The following BAZ2A variants were observed in gnomAD, a reference collection of about 807,000 sequenced individuals.
The protein encoded by BAZ2A is bromodomain adjacent to zinc finger domain protein 2A.
BAZ2A carries 34 observed loss-of-function variants against 199.9 expected under a neutral mutation model. That is an observed-to-expected ratio of 0.17 (90% CI 0.13 to 0.23). The LOEUF is 0.23. BAZ2A is among the 10% of genes least tolerant of loss of function. The pLI is 1.00. For synonymous variants in BAZ2A, 857 were observed against 883.9 expected, an observed-to-expected ratio of 0.97 and a Z score of 0.54; for missense variants, 2,002 against 2,391.1, an observed-to-expected ratio of 0.84 and a Z score of 3.39.
rs761025019 is a variant in BAZ2A, at chr12:56,610,479, C to T, written c.1709G>A (p.Arg570Gln). ...ATAATACCAGGTCTCCCCCTGCCAT[C>T]GGTGGCTGCCCTTCTTGATGCGCAC... ...REVRIKKGSH[R>Q]WQGETWYYGP... is the part of the protein sequence containing the mutation. Residue 570 changes from arginine to glutamine, a missense_variant, in exon 8 of 29, where the codon CGA becomes CAA. Arg to Gln is a conservative substitution (Grantham distance 43). Coordinates refer to ENST00000549884, the MANE Select transcript of BAZ2A (RefSeq NM_001300905.2). 30 of 1,613,500 alleles carry T rather than the reference C, an allele frequency of 1.9e-5. No individual in the cohort carries two copies. The Middle Eastern group carries it at 4.9e-4, about 27-fold the overall frequency.
intron 1 of BAZ2A, 97 bp from the exon 2 acceptor site, chr12:56,617,629 T>C: frequency 1.5e-6 from 2 of 1,329,102 alleles, no homozygotes; most frequent in Non-Finnish European, 2.0e-6. Context: ...CCCCTCCACC[T>C]ACTTACCCTT....
At chr12:56,614,404 T>C (rs940121068) in intron 3 of BAZ2A, 7 of 368,472 alleles carry the variant, frequency 1.9e-5, no homozygotes, top group Admixed American at 1.6e-4. Context: ...CCTCCATCCA[T>C]TGGGAAACGA....
chr12:56,605,306 C>G lies in BAZ2A; in HGVS notation c.2515G>C (p.Val839Leu). 1 of 1,612,768 alleles carries G rather than the reference C, an allele frequency of 6.2e-7. No individual in the cohort carries two copies. Among genetic ancestry groups the G allele is most frequent in the Middle Eastern group, 1.7e-4 (1 of 6,056 alleles). Residue 839 changes from valine to leucine, a missense_variant, in exon 14 of 29, where the codon GTC (valine) becomes CTC (leucine). Coordinates refer to ENST00000549884, the MANE Select transcript of BAZ2A (RefSeq NM_001300905.2). ...CCACTGGGCAATGTCAGACCAGGGA[C>G]TCGTGAGAAGTCAGGCAGGGGCTAG... is the stretch of plus-strand genomic sequence containing the variant. Reference protein sequence around the residue: ...DHQPLPDFSRVPGLTLPSGAF... With the variant: ...DHQPLPDFSRLPGLTLPSGAF...
chr12:56,604,256 T>C lies in BAZ2A; in HGVS notation c.2999A>G (p.Tyr1000Cys). ...IDKTLESMSS[Y>C]RKNKWIVEGR... Reference sequence around the variant, plus strand: ...TTCAACAATCCACTTGTTTTTCCTGTAGCTGGACATACTCTCCAGAGTCTT... The same window carrying C: ...TTCAACAATCCACTTGTTTTTCCTGCAGCTGGACATACTCTCCAGAGTCTT... Residue 1000 changes from tyrosine to cysteine, a missense_variant, in exon 16 of 29, where the codon TAC (tyrosine) becomes TGC (cysteine). This residue lies in a region of BAZ2A where 1,081 missense variants were observed against 1,274.7 expected (regional missense o/e 0.85). Transcript: ENST00000549884. 1 of 1,608,860 alleles carries C rather than the reference T, an allele frequency of 6.2e-7. No individual in the cohort carries two copies. Among genetic ancestry groups the C allele is most frequent in the Middle Eastern group, 1.7e-4 (1 of 6,054 alleles).
intron 10 of BAZ2A, 142 bp from the exon 11 acceptor site, chr12:56,606,875 T>C: frequency 1.5e-6 from 1 of 679,400 alleles, no homozygotes; most frequent in East Asian, 2.6e-5. Flanking sequence ...TTTTTAAGTA[T>C]ACATAATAAA....
At chr12:56,631,320 G>A (rs979956379), upstream of BAZ2A, among the ~76,000 whole-genome samples, 3 of 151,672 alleles carry the variant, frequency 2.0e-5, no homozygotes, top group Admixed American at 6.6e-5. Flanking sequence ...GTGTGGTGGC[G>A]TGCCCCTGTA....
chr12:56,629,452 C>G (rs1256906067), intron 1 of BAZ2A, among the ~76,000 whole-genome samples: 3 of 152,188 alleles, frequency 2.0e-5, no homozygotes, highest in African/African-American at 7.2e-5. Context: ...TTCTTCCCTT[C>G]TGCCCCTCAG....
rs770349922 is a variant in BAZ2A, at chr12:56,604,812, C to T, written c.2749-13G>A. 6.8e-6 allele frequency: 11 copies of T among 1,610,826 alleles called. No homozygotes were observed. In the African/African-American group the frequency reaches 8.0e-5, roughly 12 times the overall value. ...AGATCTTTAGGGACTGTGTGGAGGA[C>T]AGCATAATGGGGGTGAGTAGGGAAA... is the stretch of plus-strand genomic sequence containing the variant. On this transcript the variant is annotated splice_polypyrimidine_tract_variant and intron_variant, in intron 14 of 28. Transcript: ENST00000549884.
At chr12:56,619,237 C>T (rs1010813842) in intron 1 of BAZ2A, among the ~76,000 whole-genome samples, 2 of 151,598 alleles carry the variant, frequency 1.3e-5, no homozygotes, top group East Asian at 1.9e-4. Flanking sequence ...CCCAGCTGCT[C>T]GGGAGGCTGA....
Position 56,598,461 on chromosome 12 carries a change from A to G in BAZ2A, c.*157T>C. ...AGGGAAGGGAGAAAGGGATGTAGGA[A>G]TAAGAGGATGTGGGGCACTGCCAAG... On this transcript the variant is annotated 3_prime_UTR_variant, in exon 29 of 29. Transcript: ENST00000549884. The G allele has an allele frequency of 1.1e-6, 1 of 870,252 alleles. No homozygotes were observed. Among genetic ancestry groups the G allele is most frequent in the Non-Finnish European group, 1.7e-6 (1 of 577,850 alleles). 53.9% of individuals were successfully genotyped at this position (870,252 alleles called of 1,614,324 possible).
At chr12:56,632,597 G>A (rs1238805690), upstream of BAZ2A, among the ~76,000 whole-genome samples, 1 of 152,126 alleles carries the variant, frequency 6.6e-6, no homozygotes, top group African/African-American at 2.4e-5. Context: ...TAGTCTCCAG[G>A]GCAACCTTTA....
rs955683023 is a variant in BAZ2A, at chr12:56,621,205, A to C, written c.-2-3673T>G. The C allele has an allele frequency of 3.0e-6, 3 of 984,370 alleles. No homozygotes were observed. The African/African-American group carries it at 5.2e-5, about 17-fold the overall frequency. 61.0% of individuals were successfully genotyped at this position (984,370 alleles called of 1,614,324 possible). On this transcript the variant is annotated intron_variant, in intron 1 of 28. Coordinates refer to ENST00000549884, the MANE Select transcript of BAZ2A (RefSeq NM_001300905.2). ...ATGATGGGTCACGGTTCATTTTTCC[A>C]TTCTCTATTTGAATCCAAGAACAAA...
At chr12:56,604,106 C>T (rs947413247) in intron 16 of BAZ2A, 111 bp downstream of exon 16, 82 of 1,084,346 alleles carry the variant, frequency 7.6e-5, no homozygotes, top group Non-Finnish European at 1.0e-4. Flanking sequence ...TGGTAAGGTC[C>T]CAAACCCAGG....
chr12:56,635,296 C>A (rs937834684), upstream of BAZ2A, among the ~76,000 whole-genome samples: 2 of 152,022 alleles, frequency 1.3e-5, no homozygotes, highest in Non-Finnish European at 2.9e-5. The surrounding 1 kb of genome is among the most constrained non-coding windows in gnomAD (Gnocchi z 4.1). Flanking sequence ...TGCCCGCGCT[C>A]CCAGGGCACC....
chr12:56,622,378 T>C (rs2137220769), intron 1 of BAZ2A, among the ~76,000 whole-genome samples: 1 of 152,160 alleles, frequency 6.6e-6, no homozygotes, highest in Admixed American at 6.5e-5. Flanking sequence ...GGTCTACATA[T>C]AAAATAAATA....
At chr12:56,612,740 A>G (rs1387111243) in intron 5 of BAZ2A, among the ~76,000 whole-genome samples, 1 of 152,232 alleles carries the variant, frequency 6.6e-6, no homozygotes, top group Non-Finnish European at 1.5e-5. Context: ...CTCCTGCCTC[A>G]GCCTCCCAGG....
chr12:56,630,478 G>GCC, upstream of BAZ2A: 1 of 198,764 alleles, frequency 5.0e-6, no homozygotes, highest in Non-Finnish European at 9.0e-6. Context: ...TGGCCACCTT[G>GCC]CCCACCTGGC....
At chr12:56,632,446 A>G (rs945050501), upstream of BAZ2A, among the ~76,000 whole-genome samples, 5 of 151,986 alleles carry the variant, frequency 3.3e-5, no homozygotes, top group African/African-American at 1.2e-4. Context: ...CAGGCAGGGG[A>G]GGAGCCTGCG....
exon 1 of BAZ2A, chr12:56,636,360 A>T: frequency 1.6e-4 from 171 of 1,068,240 alleles, no homozygotes; most frequent in East Asian, 4.7e-4. Context: ...CTGTAGGGTG[A>T]TGTCCCTGTG....
Sources: allele counts gnomAD v4.1 joint callset (sites outside exome capture counted in the v4.1 genomes callset), GRCh38; gene constraint gnomAD v4.1.1; regional missense constraint gnomAD v4.1.1; non-coding constraint Gnocchi (gnomAD v3.1); transcripts MANE v1.5; gene names NCBI Gene and HGNC (gene_info 2026-07-23, HGNC 2026-07-21).